CNTN4: variants seen among roughly 807,000 people sequenced by gnomAD.
CNTN4 encodes contactin 4.
Under a neutral mutation model 122.5 loss-of-function variants are expected in CNTN4, and 77 were observed. The ratio of observed to expected loss-of-function variants is 0.63; its 90% confidence interval spans 0.52 to 0.76. The LOEUF is 0.76. Among genes scored for constraint, CNTN4 ranks in the 30% least tolerant of loss-of-function variants. The probability of loss-of-function intolerance (pLI) is 0.00; values close to 1 mark genes in which losing one functional copy is unlikely to be tolerated. For missense variants in CNTN4, 1,256 were observed against 1,259.1 expected, an observed-to-expected ratio of 1.00 and a Z score of 0.04; for synonymous variants, 512 against 447.0, an observed-to-expected ratio of 1.15 and a Z score of -1.83.
intron 4 of CNTN4, among the ~76,000 whole-genome samples, chr3:2,601,283 A>G (rs894215520): frequency 6.6e-6 from 1 of 152,164 alleles, no homozygotes; most frequent in South Asian, 2.1e-4. Flanking sequence ...GCCCATGCCT[A>G]TGTTCTGAAT....
chr3:2,449,466 T>C (rs754653362), intron 3 of CNTN4, among the ~76,000 whole-genome samples: 2 of 151,724 alleles, frequency 1.3e-5, no homozygotes, highest in Non-Finnish European at 2.9e-5. Context: ...AATACAAAAA[T>C]TAGCCGGGCG....
chr3:2,151,884 A>G (rs909346800), intron 2 of CNTN4, among the ~76,000 whole-genome samples: 2 of 152,226 alleles, frequency 1.3e-5, no homozygotes, highest in Non-Finnish European at 2.9e-5. Context: ...CTCAGCCTTC[A>G]TAACTGTAAG....
chr3:2,817,670 G>C (rs2092768750), intron 6 of CNTN4, among the ~76,000 whole-genome samples: 1 of 152,084 alleles, frequency 6.6e-6, no homozygotes, highest in African/African-American at 2.4e-5. Flanking sequence ...GTTTTACCTA[G>C]ATGATACGTG....
At chr3:2,773,762 C>CTTTTTTTTTTTTTTTTTTTTTTTTT (rs1234334638) in intron 6 of CNTN4, among the ~76,000 whole-genome samples, 5 of 107,542 alleles carry the variant, frequency 4.6e-5, no homozygotes, top group African/African-American at 1.7e-4. Context: ...ATGTAGTAGA[C>CTTTTTTTTTTTTTTTTTTTTTTTTT]TTTTTTTTTT....
rs78572429 is a variant in CNTN4 at position 3,038,090 on chromosome 3, A to G, written c.2092+762A>G. On this transcript the variant is annotated intron_variant, in intron 18 of 24. Coordinates refer to ENST00000418658, the MANE Select transcript of CNTN4 (RefSeq NM_175607.3). ...CTCTCAGAAAAGCAAAAACTCATCT[A>G]GATCTATTTGATTGGCTTTAACCAA... 1.1e-3 allele frequency among the ~76,000 whole-genome samples: 161 copies of G among 152,316 alleles called. 2 individuals carry two copies. Among genetic ancestry groups the G allele is most frequent in the South Asian group, 0.01 (49 of 4,828 alleles).
rs60925207 is a variant in CNTN4 at position 2,878,553 on chromosome 3, CTGTGTGTG to C, written c.653-4562_653-4555del. On this transcript the variant is annotated intron_variant, in intron 8 of 24. Coordinates refer to ENST00000418658, the MANE Select transcript of CNTN4 (RefSeq NM_175607.3). Reference sequence around the variant, plus strand: ...AAGAGAACAACAGAAGAGATGCTCTCTGTGTGTGTGTGTGTGTGTGTGTGTGTGTGTGT... The same window carrying C: ...AAGAGAACAACAGAAGAGATGCTCTCTGTGTGTGTGTGTGTGTGTGTGTGT... 8.7e-3 allele frequency among the ~76,000 whole-genome samples: 1,280 copies of C among 146,930 alleles called. 18 individuals are homozygous for C. Among genetic ancestry groups the C allele is most frequent in the African/African-American group, 0.029 (1,139 of 39,712 alleles).
At chr3:2,403,305 A>G (rs1478050387) in intron 3 of CNTN4, among the ~76,000 whole-genome samples, 1 of 152,134 alleles carries the variant, frequency 6.6e-6, no homozygotes, top group African/African-American at 2.4e-5. Flanking sequence ...GTCACATCCT[A>G]AGGTACTGAG....
At chr3:2,625,150 C>A (rs78057323) in intron 4 of CNTN4, among the ~76,000 whole-genome samples, 1 of 152,044 alleles carries the variant, frequency 6.6e-6, no homozygotes, top group African/African-American at 2.4e-5. Flanking sequence ...TCAGTACATA[C>A]TGTAATCGTG....
At chr3:2,110,525 A>G (rs1427433004) in intron 2 of CNTN4, 1 of 152,236 alleles carries the variant, frequency 6.6e-6, no homozygotes, top group East Asian at 1.9e-4. Context: ...GTTGAGACCG[A>G]CACTGGTGAC....
chr3:2,915,887 A>G (rs2094348238), intron 12 of CNTN4, among the ~76,000 whole-genome samples: 1 of 152,242 alleles, frequency 6.6e-6, no homozygotes, highest in Non-Finnish European at 1.5e-5. Context: ...TACAACATGA[A>G]TGAACCTTGA....
At chr3:2,905,045 G>T (rs758204559) in intron 12 of CNTN4, among the ~76,000 whole-genome samples, 1 of 152,012 alleles carries the variant, frequency 6.6e-6, no homozygotes, top group Admixed American at 6.6e-5. Context: ...GTATGTGTAC[G>T]CATAATGGCT....
chr3:2,955,046 A>C (rs1159500185), intron 13 of CNTN4, among the ~76,000 whole-genome samples: 1 of 152,058 alleles, frequency 6.6e-6, no homozygotes, highest in Non-Finnish European at 1.5e-5. Flanking sequence ...TGGCAGCGCA[A>C]CCTCATTTTA....
chr3:2,303,746 C>A (rs573021812), intron 2 of CNTN4, among the ~76,000 whole-genome samples: 4 of 152,102 alleles, frequency 2.6e-5, no homozygotes, highest in Admixed American at 6.6e-5. Flanking sequence ...TCAGCACTAC[C>A]GCAGAGGACA....
chr3:2,432,001 G>A (rs760204401), intron 3 of CNTN4, among the ~76,000 whole-genome samples: 6 of 152,194 alleles, frequency 3.9e-5, no homozygotes, highest in Non-Finnish European at 8.8e-5. Context: ...CAACTAATCT[G>A]TAATGCCCTG....
At chr3:2,589,358 T>C (rs1439904655) in intron 4 of CNTN4, among the ~76,000 whole-genome samples, 1 of 152,244 alleles carries the variant, frequency 6.6e-6, no homozygotes, top group Non-Finnish European at 1.5e-5. Flanking sequence ...TTGAAGTGCC[T>C]TTTTGTTCAC....
At chr3:2,265,969 G>A (rs938833148) in intron 2 of CNTN4, among the ~76,000 whole-genome samples, 5 of 151,944 alleles carry the variant, frequency 3.3e-5, no homozygotes, top group African/African-American at 1.2e-4. Context: ...GTTTTTCGTG[G>A]AGTCTTTAGA....
chr3:2,810,469 A>G (rs1284131397), intron 6 of CNTN4, among the ~76,000 whole-genome samples: 1 of 152,212 alleles, frequency 6.6e-6, no homozygotes, highest in African/African-American at 2.4e-5. Context: ...AAGAAGAGAA[A>G]GAGGAGAATA....
chr3:2,306,532 G>A (rs576302288), intron 2 of CNTN4, among the ~76,000 whole-genome samples: 133 of 152,004 alleles, frequency 8.7e-4, no homozygotes, highest in African/African-American at 3.1e-3. Context: ...GATATATTCT[G>A]GATATATTTT....
At chr3:2,602,086 C>T (rs539337231) in intron 4 of CNTN4, among the ~76,000 whole-genome samples, 5 of 152,180 alleles carry the variant, frequency 3.3e-5, no homozygotes, top group South Asian at 2.1e-4. Flanking sequence ...ATTGATGGAA[C>T]GTATCTCAAA....
Sources: gnomAD v4.1 joint callset for allele counts (sites outside exome capture counted in the v4.1 genomes callset) on GRCh38, gnomAD v4.1.1 for gene constraint, MANE v1.5 for transcripts, NCBI Gene and HGNC (gene_info 2026-07-23, HGNC 2026-07-21) for gene names.